Variants in SLC8A1 observed in about 807,000 individuals in gnomAD.
The protein encoded by SLC8A1 is sodium/calcium exchanger 1.
In SLC8A1, 18 loss-of-function variants were observed where a neutral mutation model predicts 68.3. The ratio of observed to expected loss-of-function variants is 0.26; its 90% CI spans 0.18 to 0.39. The LOEUF is 0.39. SLC8A1 is among the 10% of genes least tolerant of loss of function. SLC8A1 has a pLI of 1.00. For synonymous variants in SLC8A1, 475 were observed against 415.5 expected (o/e 1.14, Z -1.74); for missense variants, 985 against 1,156.7 (o/e 0.85, Z 2.15).
intron 2 of SLC8A1, among the ~76,000 whole-genome samples, chr2:40,373,123 T>G (rs1678693165): frequency 6.6e-6 from 1 of 151,822 alleles, no homozygotes; most frequent in Admixed American, 6.6e-5. Flanking sequence ...AAATTAGTAT[T>G]TTTTGCCTTG....
At chr2:40,334,682 A>T (rs1034706467) in intron 2 of SLC8A1, among the ~76,000 whole-genome samples, 5 of 152,208 alleles carry the variant, frequency 3.3e-5, no homozygotes, top group African/African-American at 1.2e-4. Context: ...ACCAAAGTTG[A>T]GGGTTACGCA....
chr2:40,396,371 A>G (rs1482052674), intron 2 of SLC8A1, among the ~76,000 whole-genome samples: 20 of 152,174 alleles, frequency 1.3e-4, no homozygotes, highest in Admixed American at 1.3e-3. Context: ...ACATGAATCT[A>G]TGAATGGTCT....
chr2:40,495,374 C>A (rs1705624437), intron 1 of SLC8A1, among the ~76,000 whole-genome samples: 1 of 151,914 alleles, frequency 6.6e-6, no homozygotes, highest in Non-Finnish European at 1.5e-5. Context: ...AAAGTGTATA[C>A]CATATTAAAA....
At chr2:40,134,322 C>T (rs976804273) in intron 7 of SLC8A1, among the ~76,000 whole-genome samples, 2 of 152,136 alleles carry the variant, frequency 1.3e-5, no homozygotes, top group African/African-American at 2.4e-5. Flanking sequence ...GAACTCCTGA[C>T]CTCAAGTGAT....
rs190616403 is a variant in SLC8A1 at position 40,165,354 on chromosome 2, C to T, written c.1931-370G>A. Among the ~76,000 whole-genome samples, 4 of 152,230 alleles carry T rather than the reference C, an allele frequency of 2.6e-5. No homozygotes were observed. The East Asian group carries it at 5.8e-4, about 22-fold the overall frequency. ...GCTGTTTGTACACATTCTTTCAGCA[C>T]GTGACCAAAGGGAAACACAATTGAA... On this transcript the variant is annotated intron_variant, in intron 4 of 7. Transcript: ENST00000406785.
At chr2:40,271,241 C>G (rs2065988797) in intron 2 of SLC8A1, among the ~76,000 whole-genome samples, 1 of 151,842 alleles carries the variant, frequency 6.6e-6, no homozygotes, top group Non-Finnish European at 1.5e-5. Flanking sequence ...CCCTCCCACT[C>G]CTCTCCCACC....
chr2:40,304,510 G>A (rs2072192012), intron 2 of SLC8A1, among the ~76,000 whole-genome samples: 1 of 152,186 alleles, frequency 6.6e-6, no homozygotes, highest in African/African-American at 2.4e-5. Flanking sequence ...CCTGTAGCCA[G>A]TCTGGGCTGC....
Position 40,425,157 on chromosome 2 carries a change from T to A in SLC8A1, c.1808+3316A>T, listed in dbSNP as rs576391376. Among the ~76,000 whole-genome samples the A allele has an allele frequency of 2.0e-5, 3 of 152,032 alleles. No individual in the cohort carries two copies. The East Asian group carries it at 5.8e-4, about 29-fold the overall frequency. The stretch of plus-strand genomic sequence containing the variant: ...AAAAGCATGTGCTAGCTGTTAATTA[T>A]ATCTATTTAATGGGATTTTGCTTTG... On this transcript the variant is annotated intron_variant, in intron 2 of 7. Transcript: ENST00000406785.
intron 1 of SLC8A1, among the ~76,000 whole-genome samples, chr2:40,480,422 G>A (rs573821283): frequency 6.6e-6 from 1 of 152,282 alleles, no homozygotes; most frequent in East Asian, 1.9e-4. Flanking sequence ...TGCATCATGT[G>A]TGGACACAGA....
In SLC8A1 at chr2:40,336,788, C is replaced by T. The variant is rs1324746488; in HGVS notation, c.1808+91685G>A. Among the ~76,000 whole-genome samples the T allele has an allele frequency of 2.6e-5, 4 of 151,934 alleles. No individual in the cohort carries two copies. The East Asian group carries it at 7.7e-4, about 29-fold the overall frequency. On this transcript the variant is annotated intron_variant, in intron 2 of 7. Coordinates refer to ENST00000406785, the Ensembl canonical transcript of SLC8A1. Reference sequence around the variant, plus strand: ...TTTTTCATGAAAAAAATAATAAAGTCCATGGTAATATTATAGACTGTGGTG... The same window carrying T: ...TTTTTCATGAAAAAAATAATAAAGTTCATGGTAATATTATAGACTGTGGTG...
intron 2 of SLC8A1, among the ~76,000 whole-genome samples, chr2:40,212,868 A>G (rs946071649): frequency 7.2e-5 from 11 of 152,176 alleles, no homozygotes; most frequent in African/African-American, 2.2e-4. Flanking sequence ...GAGGAGTCCT[A>G]TGTGTAGATT....
intron 2 of SLC8A1, among the ~76,000 whole-genome samples, chr2:40,334,936 G>C (rs1277344507): frequency 1.3e-5 from 2 of 152,172 alleles, no homozygotes; most frequent in Non-Finnish European, 2.9e-5. Context: ...CACTGTCCTT[G>C]TCTTCCCCCT....
At chr2:40,254,475 A>G (rs1377046812) in intron 2 of SLC8A1, 3 of 115,018 alleles carry the variant, frequency 2.6e-5, no homozygotes, top group African/African-American at 6.7e-5. Flanking sequence ...TAAATGCAGT[A>G]AAGAATTACT....
At position 40,295,890 on chromosome 2, in the gene SLC8A1, C is replaced by T. The variant is rs187192241; in HGVS notation, c.1809-118035G>A. On this transcript the variant is annotated intron_variant, in intron 2 of 7. Transcript: ENST00000406785. ...CCAAAATCGCCCTTTCTGCGTACTT[C>T]TGAAAGAGCTTGCCTTTGTGAGCAG... 4.1e-3 allele frequency among the ~76,000 whole-genome samples: 623 copies of T among 152,234 alleles called. 4 individuals carry two copies. The highest frequency in any genetic ancestry group is 4.2e-3 in the Non-Finnish European group (288 of 68,010).
chr2:40,226,897 A>C (rs546633520), intron 2 of SLC8A1, among the ~76,000 whole-genome samples: 1 of 152,170 alleles, frequency 6.6e-6, no homozygotes, highest in African/African-American at 2.4e-5. Context: ...ATAATAAAAC[A>C]TGTGAACAAA....
chr2:40,124,537 A>T (rs949730304), intron 7 of SLC8A1, among the ~76,000 whole-genome samples: 1 of 152,176 alleles, frequency 6.6e-6, no homozygotes, highest in African/African-American at 2.4e-5. Flanking sequence ...CCTTGCTGTG[A>T]TTTGGTGTAA....
At chr2:40,376,970 C>G (rs1680103596) in intron 2 of SLC8A1, among the ~76,000 whole-genome samples, 1 of 152,048 alleles carries the variant, frequency 6.6e-6, no homozygotes, top group Non-Finnish European at 1.5e-5. Flanking sequence ...ATTCTCTTCT[C>G]TTGAGTGGGA....
intron 1 of SLC8A1, among the ~76,000 whole-genome samples, chr2:40,481,537 A>G (rs755802458): frequency 2.0e-5 from 3 of 152,190 alleles, no homozygotes; most frequent in Non-Finnish European, 2.9e-5. Context: ...AGGATGTCTG[A>G]TAACTGTTAG....
At chr2:40,133,708 C>CT (rs1329744873) in intron 7 of SLC8A1, among the ~76,000 whole-genome samples, 4 of 150,818 alleles carry the variant, frequency 2.7e-5, no homozygotes, top group African/African-American at 4.9e-5. Flanking sequence ...AAATCCCCCC[C>CT]CCCCACCGAC....
Sources: gnomAD v4.1 joint callset for allele counts (sites outside exome capture counted in the v4.1 genomes callset) on GRCh38, gnomAD v4.1.1 for gene constraint, MANE v1.5 for transcripts, NCBI Gene and HGNC (gene_info 2026-07-23, HGNC 2026-07-21) for gene names.